ZFHX3: variants seen among roughly 807,000 people sequenced by gnomAD.
ZFHX3 encodes the protein zinc finger homeobox 3.
In ZFHX3, 42 loss-of-function variants were observed where a neutral mutation model predicts 279.1. That is an observed-to-expected ratio of 0.15 (90% CI 0.12 to 0.19). The LOEUF (loss-of-function observed/expected upper bound fraction) is 0.19, where lower values mean the gene tolerates loss of function less well. ZFHX3 is among the 10% of genes least tolerant of loss of function. The probability of loss-of-function intolerance (pLI) is 1.00; values close to 1 mark genes in which losing one functional copy is unlikely to be tolerated. For synonymous variants in ZFHX3, 2,293 were observed against 1,957.8 expected, an observed-to-expected ratio of 1.17 and a Z score of -4.52; for missense variants, 4,981 against 4,754.0, an observed-to-expected ratio of 1.05 and a Z score of -1.40.
At chr16:73,815,587 G>A (rs1200640551) in intron 1 of ZFHX3, 2 of 150,240 alleles carry the variant, frequency 1.3e-5, no homozygotes, top group African/African-American at 2.5e-5. Context: ...TTTGGAGACA[G>A]TGTCACTCTG....
intron 3 of ZFHX3, chr16:73,389,241 T>G (rs1440607138): frequency 1.3e-5 from 2 of 151,974 alleles, no homozygotes; most frequent in Non-Finnish European, 2.9e-5. Context: ...TAAATAAAGT[T>G]TTGCTGGAAC....
chr16:73,421,151 A>G (rs1216609949), intron 3 of ZFHX3: 1 of 76,680 alleles, frequency 1.3e-5, no homozygotes, highest in African/African-American at 7.4e-5. Flanking sequence ...CAGCAAATGA[A>G]TGGAAAAAAA....
rs540125491 is a variant in ZFHX3 at position 73,356,210 on chromosome 16, G to C, written c.-1290-37874C>G. On this transcript the variant is annotated intron_variant, in intron 3 of 17. Coordinates refer to the ZFHX3 transcript ENST00000641206. ...GCCAACCCACTGGATAAGCTACTTC[G>C]GTCTCCAGAAACAAACACAAGACAG... Among the ~76,000 whole-genome samples the C allele has an allele frequency of 1.9e-3, 284 of 152,230 alleles. 2 individuals carry two copies. Among genetic ancestry groups the C allele is most frequent in the African/African-American group, 6.5e-3 (272 of 41,538 alleles).
chr16:73,782,019 G>C (rs1038923154), intron 1 of ZFHX3, among the ~76,000 whole-genome samples: 1 of 152,064 alleles, frequency 6.6e-6, no homozygotes, highest in Non-Finnish European at 1.5e-5. Flanking sequence ...AACAAGGAAG[G>C]CTACCCTGGA....
At chr16:73,613,591 T>C (rs1027755814) in intron 2 of ZFHX3, among the ~76,000 whole-genome samples, 2 of 152,192 alleles carry the variant, frequency 1.3e-5, no homozygotes, top group African/African-American at 2.4e-5. Context: ...TATATGAAAG[T>C]AAAGTTGAAA....
At chr16:73,237,253 C>T (rs2012978315) in intron 5 of ZFHX3, among the ~76,000 whole-genome samples, 1 of 152,072 alleles carries the variant, frequency 6.6e-6, no homozygotes, top group South Asian at 2.1e-4. Flanking sequence ...TGCCTTGATT[C>T]TTAAAAAATA....
chr16:73,533,774 A>G (rs370759836), intron 2 of ZFHX3, among the ~76,000 whole-genome samples: 18 of 152,254 alleles, frequency 1.2e-4, no homozygotes, highest in African/African-American at 4.3e-4. Flanking sequence ...CTGGGAGGTC[A>G]TCTTGAACTC....
At chr16:73,301,063 G>C (rs575426775) in intron 4 of ZFHX3, among the ~76,000 whole-genome samples, 7 of 152,186 alleles carry the variant, frequency 4.6e-5, no homozygotes, top group Non-Finnish European at 1.0e-4. Flanking sequence ...CTGGACACTC[G>C]ATGGCATCTT....
At chr16:72,799,909 C>T in intron 8 of ZFHX3, 118 bp downstream of exon 8, 1 of 886,414 alleles carries the variant, frequency 1.1e-6, no homozygotes, top group Non-Finnish European at 1.8e-6. Context: ...CCCTCATCTC[C>T]TGATCAGTTA....
intron 3 of ZFHX3, among the ~76,000 whole-genome samples, chr16:73,348,623 G>A (rs2016164867): frequency 6.6e-6 from 1 of 152,230 alleles, no homozygotes; most frequent in African/African-American, 2.4e-5. Flanking sequence ...GATCTTCGCA[G>A]GTGTTATTTT....
intron 5 of ZFHX3, among the ~76,000 whole-genome samples, chr16:73,249,190 T>C (rs370951503): frequency 1.3e-5 from 2 of 152,228 alleles, no homozygotes; most frequent in African/African-American, 4.8e-5. Flanking sequence ...CCCCTACATG[T>C]TTTTGCCTCT....
At chr16:73,684,839 T>G (rs1300388749) in intron 1 of ZFHX3, among the ~76,000 whole-genome samples, 1 of 151,866 alleles carries the variant, frequency 6.6e-6, no homozygotes, top group African/African-American at 2.4e-5. Flanking sequence ...TAGCTGGGAT[T>G]ACAGGCACGC....
intron 2 of ZFHX3, among the ~76,000 whole-genome samples, chr16:73,603,289 A>C (rs2052142517): frequency 6.6e-6 from 1 of 150,906 alleles, no homozygotes; most frequent in African/African-American, 2.5e-5. Flanking sequence ...CATCTCAAAA[A>C]AAAAAAAGAA....
intron 4 of ZFHX3, among the ~76,000 whole-genome samples, chr16:73,257,315 T>C (rs948959287): frequency 3.9e-5 from 6 of 152,222 alleles, no homozygotes; most frequent in East Asian, 1.9e-4. Flanking sequence ...TGTGTCGCCA[T>C]TGTCAGTTTA....
At chr16:73,262,285 G>T (rs561463054) in intron 4 of ZFHX3, among the ~76,000 whole-genome samples, 1 of 152,334 alleles carries the variant, frequency 6.6e-6, no homozygotes, top group South Asian at 2.1e-4. Context: ...ATAAATTTAA[G>T]GAGCAGACTT....
intron 1 of ZFHX3, among the ~76,000 whole-genome samples, chr16:73,750,349 C>T (rs2053750769): frequency 6.6e-6 from 1 of 152,130 alleles, no homozygotes; most frequent in Non-Finnish European, 1.5e-5. Flanking sequence ...ACTCTACCAA[C>T]TTTATTAAGA....
At position 73,533,024 on chromosome 16, in the gene ZFHX3, C is replaced by T. The variant is rs532219416; in HGVS notation, c.-1546-76766G>A. Among the ~76,000 whole-genome samples the T allele has an allele frequency of 1.8e-3, 267 of 152,246 alleles. 1 individual carries two copies. The highest frequency in any genetic ancestry group is 3.7e-3 in the African/African-American group (153 of 41,538). ...TGTTCTTTATAAATTACCCAGTCTT[C>T]GGTATTTCATCATAACAGCGTGAAA... On this transcript the variant is annotated intron_variant, in intron 2 of 17. Transcript: ENST00000641206.
intron 1 of ZFHX3, among the ~76,000 whole-genome samples, chr16:73,754,795 A>G (rs1329870078): frequency 6.6e-6 from 1 of 152,160 alleles, no homozygotes; most frequent in East Asian, 1.9e-4. Context: ...AGGGTTTTTT[A>G]AAATGACACA....
intron 1 of ZFHX3, among the ~76,000 whole-genome samples, chr16:73,713,779 C>T (rs973941493): frequency 2.0e-5 from 3 of 152,132 alleles, no homozygotes; most frequent in South Asian, 2.1e-4. Context: ...GCACAGCAAG[C>T]GAGCGATACA....
Sources: gnomAD v4.1 joint callset for allele counts (sites outside exome capture counted in the v4.1 genomes callset) on GRCh38, gnomAD v4.1.1 for gene constraint, MANE v1.5 for transcripts, NCBI Gene and HGNC (gene_info 2026-07-23, HGNC 2026-07-21) for gene names.